Variants in DPYD observed in about 807,000 individuals in gnomAD.
The protein encoded by DPYD is dihydropyrimidine dehydrogenase [NADP(+)].
In DPYD, 109 loss-of-function variants were observed where a neutral mutation model predicts 116.2. That is an observed-to-expected ratio of 0.94 (90% CI 0.80 to 1.10). The LOEUF (loss-of-function observed/expected upper bound fraction) is 1.10, where lower values mean the gene tolerates loss of function less well. Among genes scored for constraint, DPYD ranks in the 50% least tolerant of loss-of-function variants. DPYD has a pLI of 0.00. For synonymous variants in DPYD, 440 were observed against 432.0 expected (o/e 1.02, Z -0.23); for missense variants, 1,302 against 1,254.5 (o/e 1.04, Z -0.57).
chr1:97,173,473 A>ATATATATACACAC lies in DPYD; in HGVS notation c.2622+19595_2622+19596insGTGTGTATATATA, dbSNP rs1334441103. Among the ~76,000 whole-genome samples, 65 of 74,352 alleles carry ATATATATACACAC rather than the reference A, an allele frequency of 8.7e-4. 1 individual carries two copies. The highest frequency in any genetic ancestry group is 1.0e-4 in the Non-Finnish European group (4 of 39,732). The allele number at this position is 74,352 out of a possible 152,430, so 48.8% of individuals were successfully genotyped here. A position where few individuals can be genotyped will look rare whatever the true frequency, so the allele number is the denominator to read the frequency against. ...AAAATGAGTATATATATACACACAT[A>ATATATATACACAC]ATGTGTATATATATACACGCATATA... On this transcript the variant is annotated intron_variant, in intron 20 of 22. Coordinates refer to ENST00000370192, the MANE Select transcript of DPYD (RefSeq NM_000110.4).
At chr1:97,129,037 C>A (rs1427542733) in intron 20 of DPYD, among the ~76,000 whole-genome samples, 3 of 151,522 alleles carry the variant, frequency 2.0e-5, no homozygotes, top group Non-Finnish European at 4.4e-5. Context: ...TGGAAACATG[C>A]AAATACTCAT....
intron 8 of DPYD, among the ~76,000 whole-genome samples, chr1:97,632,152 A>T (rs1160165583): frequency 6.6e-6 from 1 of 152,086 alleles, no homozygotes; most frequent in Non-Finnish European, 1.5e-5. Flanking sequence ...GTCATCAATC[A>T]CTACCTCATT....
chr1:97,700,944 T>C (rs1466489433), intron 5 of DPYD, among the ~76,000 whole-genome samples: 1 of 151,406 alleles, frequency 6.6e-6, no homozygotes, highest in East Asian at 1.9e-4. Context: ...TATTAAAATG[T>C]ATTAATTAAA....
chr1:97,855,519 T>A (rs1387173679), intron 2 of DPYD: 1 of 152,142 alleles, frequency 6.6e-6, no homozygotes, highest in African/African-American at 2.4e-5. Context: ...AAACTGGAAA[T>A]CTTTAATAAA....
At chr1:97,660,960 T>C (rs1195159336) in intron 8 of DPYD, among the ~76,000 whole-genome samples, 1 of 152,124 alleles carries the variant, frequency 6.6e-6, no homozygotes, top group Admixed American at 6.5e-5. Flanking sequence ...TATATTTCTA[T>C]ATTAGGAAAA....
intron 1 of DPYD, among the ~76,000 whole-genome samples, chr1:97,888,844 G>A (rs866805098): frequency 5.3e-5 from 8 of 152,058 alleles, no homozygotes; most frequent in Non-Finnish European, 7.4e-5. Flanking sequence ...ATTAGCAGAT[G>A]TGACTTATAA....
intron 14 of DPYD, among the ~76,000 whole-genome samples, chr1:97,413,315 A>AT (rs1311512566): frequency 1.3e-5 from 2 of 152,284 alleles, no homozygotes; most frequent in Admixed American, 1.3e-4. Context: ...CACCCAATCC[A>AT]TCTTCTCCCT....
chr1:97,088,235 C>T (rs1649657886), intron 21 of DPYD, among the ~76,000 whole-genome samples: 1 of 152,188 alleles, frequency 6.6e-6, no homozygotes, highest in Admixed American at 6.5e-5. Context: ...ATTAGGTTTA[C>T]TAAAGGTGGG....
chr1:97,560,562 A>C (rs548416583), intron 11 of DPYD, among the ~76,000 whole-genome samples: 73 of 150,824 alleles, frequency 4.8e-4, no homozygotes, highest in African/African-American at 1.7e-3. Context: ...AATTAGCAAA[A>C]AAAAAAAAAA....
intron 20 of DPYD, among the ~76,000 whole-genome samples, chr1:97,109,357 A>C (rs550260256): frequency 6.6e-6 from 1 of 152,264 alleles, no homozygotes; most frequent in East Asian, 1.9e-4. Context: ...GTGCCTTAGG[A>C]GTACTTGGAT....
intron 18 of DPYD, among the ~76,000 whole-genome samples, chr1:97,301,427 T>G (rs972975255): frequency 6.6e-6 from 1 of 151,894 alleles, no homozygotes. Flanking sequence ...AAATAATAAG[T>G]TTTTCAAGCT....
At chr1:97,593,141 C>A in intron 10 of DPYD, 77 bp downstream of exon 10, 1 of 1,509,394 alleles carries the variant, frequency 6.6e-7, no homozygotes, top group Non-Finnish European at 9.1e-7. Flanking sequence ...AACATTCTAG[C>A]GATTTAAACA....
intron 18 of DPYD, among the ~76,000 whole-genome samples, chr1:97,252,115 C>T (rs758018941): frequency 1.4e-5 from 2 of 144,660 alleles, no homozygotes; most frequent in Non-Finnish European, 3.2e-5. Flanking sequence ...ATAGTTATGT[C>T]AAGTCTATGG....
intron 20 of DPYD, among the ~76,000 whole-genome samples, chr1:97,150,581 C>T (rs1161571284): frequency 6.6e-6 from 1 of 152,164 alleles, no homozygotes; most frequent in Non-Finnish European, 1.5e-5. Flanking sequence ...TCTGGGTTCT[C>T]CTCTGAAGAA....
intron 7 of DPYD, chr1:97,691,483 T>TA: frequency 2.3e-6 from 1 of 444,046 alleles, no homozygotes; most frequent in Non-Finnish European, 4.1e-6. Context: ...TACAGACAAT[T>TA]AATCACATGC....
chr1:97,467,148 T>C (rs546379088), intron 13 of DPYD, among the ~76,000 whole-genome samples: 11 of 152,332 alleles, frequency 7.2e-5, no homozygotes, highest in Admixed American at 6.5e-4. Context: ...AATATGTCTC[T>C]AAGTTGTTTT....
chr1:97,795,021 G>A (rs996138896), intron 3 of DPYD, among the ~76,000 whole-genome samples: 4 of 151,816 alleles, frequency 2.6e-5, no homozygotes, highest in Admixed American at 2.0e-4. Context: ...GATTTTCTTT[G>A]TAGAGAACAA....
chr1:97,430,609 C>A (rs546145426), intron 14 of DPYD, among the ~76,000 whole-genome samples: 1 of 151,406 alleles, frequency 6.6e-6, no homozygotes, highest in Non-Finnish European at 1.5e-5. Context: ...AAAATGTCCT[C>A]TTTCACGTGA....
chr1:97,250,448 C>T (rs942584372), intron 18 of DPYD, among the ~76,000 whole-genome samples: 13 of 152,046 alleles, frequency 8.6e-5, no homozygotes, highest in Non-Finnish European at 1.9e-4. Context: ...ATGTTCATGA[C>T]AGCCTTACCC....
Sources: gnomAD v4.1 joint callset for allele counts (sites outside exome capture counted in the v4.1 genomes callset) on GRCh38, gnomAD v4.1.1 for gene constraint, MANE v1.5 for transcripts, NCBI Gene and HGNC (gene_info 2026-07-23, HGNC 2026-07-21) for gene names.